The following PDE2A variants were observed in gnomAD, a reference collection of about 807,000 sequenced individuals.
PDE2A encodes the protein phosphodiesterase 2A.
A neutral mutation model predicts 133.6 loss-of-function variants in PDE2A; 53 were observed. The observed-to-expected ratio is 0.40, with a 90% CI of 0.32 to 0.50. PDE2A has a LOEUF of 0.50. Ranked by LOEUF, PDE2A falls within the 20% of genes least tolerant of loss-of-function variation. The pLI is 0.73. For missense variants in PDE2A, 796 were observed against 1,232.4 expected (o/e 0.65, Z 5.30); for synonymous variants, 491 against 490.2 (o/e 1.00, Z -0.02).
chr11:72,670,086 A>G (rs1405915849), intron 1 of PDE2A, among the ~76,000 whole-genome samples: 2 of 152,096 alleles, frequency 1.3e-5, no homozygotes, highest in Non-Finnish European at 2.9e-5. Context: ...CTGAACTCCT[A>G]TAGTGCTAAG....
intron 6 of PDE2A, among the ~76,000 whole-genome samples, chr11:72,592,797 G>A (rs932508381): frequency 6.6e-6 from 1 of 152,060 alleles, no homozygotes; most frequent in Non-Finnish European, 1.5e-5. Context: ...GAGGCAGGAA[G>A]ACCTGGAAGA....
chr11:72,589,759 T>C lies in PDE2A; in HGVS notation c.865A>G (p.Ser289Gly). Residue 289 changes from serine to glycine, a missense_variant, in exon 11 of 31, where the codon AGC (serine) becomes GGC (glycine). Ser to Gly is a moderately conservative substitution (Grantham distance 56, BLOSUM62 0). Around this residue, in one of 7 missense-constraint regions of PDE2A, gnomAD observed 417 missense variants for 475.3 expected, o/e 0.88. Transcript: ENST00000334456. ...ACAGACGCGGGACTCACGGGAAAGC[T>C]GACCTCTTCCCCGAGCACTTTGTCT... ...IGDKVLGEEV[S>G]FPLTGCLGQV... The C allele has an allele frequency of 6.2e-7, 1 of 1,613,836 alleles. No homozygotes were observed. Among genetic ancestry groups the C allele is most frequent in the Non-Finnish European group, 8.5e-7 (1 of 1,179,894 alleles).
At chr11:72,617,278 G>C (rs984292807) in intron 2 of PDE2A, among the ~76,000 whole-genome samples, 7 of 152,234 alleles carry the variant, frequency 4.6e-5, no homozygotes, top group Non-Finnish European at 8.8e-5. Flanking sequence ...GCCTGCAGAG[G>C]GCGGGGAGGA....
At chr11:72,584,466 G>C in intron 18 of PDE2A, 85 bp downstream of exon 18, 1 of 1,444,734 alleles carries the variant, frequency 6.9e-7, no homozygotes, top group Non-Finnish European at 9.5e-7. Context: ...GCTGGAGGCG[G>C]TGGGGAAGTG....
At chr11:72,660,305 C>G (rs1369185838) in intron 1 of PDE2A, among the ~76,000 whole-genome samples, 1 of 152,120 alleles carries the variant, frequency 6.6e-6, no homozygotes, top group Non-Finnish European at 1.5e-5. Context: ...ACAGCAGTAA[C>G]AGCTGTGCAG....
At chr11:72,664,448 A>G (rs1263518998) in intron 1 of PDE2A, among the ~76,000 whole-genome samples, 1 of 128,696 alleles carries the variant, frequency 7.8e-6, no homozygotes, top group Non-Finnish European at 1.5e-5. Flanking sequence ...ATCTCGGCTC[A>G]CTGCAAGCTC....
intron 18 of PDE2A, 55 bp downstream of exon 18, chr11:72,584,496 G>A (rs1407535457): frequency 1.3e-6 from 2 of 1,532,644 alleles, no homozygotes; most frequent in South Asian, 2.4e-5. Context: ...CCGCTCGCTC[G>A]GACCCGCCCC....
chr11:72,668,489 A>G (rs909041902), intron 1 of PDE2A: 2 of 702,330 alleles, frequency 2.8e-6, no homozygotes, highest in African/African-American at 1.7e-5. Flanking sequence ...TCCTACCTGC[A>G]CCCCCCAACA....
intron 5 of PDE2A, among the ~76,000 whole-genome samples, chr11:72,596,930 A>C (rs978823052): frequency 2.0e-5 from 3 of 152,052 alleles, no homozygotes; most frequent in African/African-American, 7.2e-5. Flanking sequence ...GAGCACCTCT[A>C]TTTTACAGAT....
chr11:72,585,023 C>T (rs961982790), intron 16 of PDE2A, 79 bp from the exon 17 acceptor site: 4 of 1,428,012 alleles, frequency 2.8e-6, no homozygotes, highest in Non-Finnish European at 3.0e-6. Context: ...GAGGCAAAGG[C>T]CGGATTTCCG....
At chr11:72,650,270 G>A (rs1025524091) in intron 1 of PDE2A, among the ~76,000 whole-genome samples, 6 of 152,000 alleles carry the variant, frequency 3.9e-5, no homozygotes, top group African/African-American at 9.7e-5. Flanking sequence ...TGATCCATCT[G>A]CCTTGGCCTC....
At chr11:72,580,770 T>C in intron 24 of PDE2A, 116 bp downstream of exon 24, 1 of 958,424 alleles carries the variant, frequency 1.0e-6, no homozygotes, top group South Asian at 1.4e-5. Context: ...AACCTCCTCC[T>C]GTGTCTAAAC....
chr11:72,620,635 G>A (rs777509347), intron 2 of PDE2A, among the ~76,000 whole-genome samples: 1 of 152,130 alleles, frequency 6.6e-6, no homozygotes, highest in South Asian at 2.1e-4. Context: ...TCAGCTGCGG[G>A]TATGGACTCC....
intron 16 of PDE2A, 146 bp downstream of exon 16, chr11:72,585,225 A>C: frequency 1.4e-6 from 1 of 736,520 alleles, no homozygotes; most frequent in East Asian, 2.7e-5. Flanking sequence ...CTAGCGAGGG[A>C]GACAGGCATG....
chr11:72,581,072 A>C, intron 23 of PDE2A, 99 bp from the exon 24 acceptor site: 1 of 884,276 alleles, frequency 1.1e-6, no homozygotes, highest in Non-Finnish European at 1.9e-6. Context: ...CCCAGGAGCC[A>C]CTGGGACAGG....
intron 6 of PDE2A, among the ~76,000 whole-genome samples, chr11:72,596,251 C>T (rs763734243): frequency 3.3e-5 from 5 of 152,094 alleles, no homozygotes; most frequent in Non-Finnish European, 5.9e-5. Context: ...GTTAGTGCTG[C>T]GTACGCCAAA....
intron 2 of PDE2A, among the ~76,000 whole-genome samples, chr11:72,640,285 CATAG>C (rs1332772292): frequency 2.0e-5 from 3 of 152,014 alleles, no homozygotes; most frequent in South Asian, 2.1e-4. Context: ...ACACAACCTG[CATAG>C]ATAATGTGCA....
At chr11:72,586,212 G>A (rs764822983) in intron 13 of PDE2A, 31 bp from the exon 14 acceptor site, 1 of 1,338,540 alleles carries the variant, frequency 7.5e-7, no homozygotes, top group Non-Finnish European at 1.1e-6. Flanking sequence ...ACTCAGGAGG[G>A]AAGGGAAGAC....
intron 2 of PDE2A, among the ~76,000 whole-genome samples, chr11:72,631,531 A>G (rs2135417289): frequency 6.6e-6 from 1 of 152,256 alleles, no homozygotes; most frequent in South Asian, 2.1e-4. Flanking sequence ...CACCTCACAC[A>G]GTCACTGGGC....
Sources: allele counts gnomAD v4.1 joint callset (sites outside exome capture counted in the v4.1 genomes callset), GRCh38; gene constraint gnomAD v4.1.1; regional missense constraint gnomAD v4.1.1; transcripts MANE v1.5; gene names NCBI Gene and HGNC (gene_info 2026-07-23, HGNC 2026-07-21).